COL22A1: variants seen among roughly 807,000 people sequenced by gnomAD.
COL22A1 encodes collagen alpha-1(XXII) chain.
In COL22A1, 221 loss-of-function variants were observed where a neutral mutation model predicts 248.9. The ratio of observed to expected loss-of-function variants is 0.89; its 90% CI spans 0.80 to 0.99. COL22A1 has a LOEUF of 0.99. COL22A1 is among the 50% of genes least tolerant of loss of function. COL22A1 has a pLI of 0.00. For synonymous variants in COL22A1, 891 were observed against 793.4 expected (o/e 1.12, Z -2.07); for missense variants, 2,240 against 2,179.0 (o/e 1.03, Z -0.56).
chr8:138,645,381 T>C (rs771664093), intron 47 of COL22A1, among the ~76,000 whole-genome samples: 1 of 152,072 alleles, frequency 6.6e-6, no homozygotes, highest in African/African-American at 2.4e-5. Flanking sequence ...CCGCCCTGAA[T>C]CCTCTCTCTC....
chr8:138,651,222 A>T (rs1338938587), intron 45 of COL22A1, among the ~76,000 whole-genome samples: 4 of 152,182 alleles, frequency 2.6e-5, no homozygotes, highest in African/African-American at 9.7e-5. Flanking sequence ...CAGAAATCTC[A>T]GGAATCCTCA....
chr8:138,779,930 T>C (rs915510850), intron 13 of COL22A1, among the ~76,000 whole-genome samples: 5 of 152,162 alleles, frequency 3.3e-5, no homozygotes, highest in African/African-American at 4.8e-5. Flanking sequence ...TGCAGCCGGT[T>C]GTTTTGTTTT....
chr8:138,637,461 G>T (rs557574431), intron 47 of COL22A1, among the ~76,000 whole-genome samples: 2 of 152,258 alleles, frequency 1.3e-5, no homozygotes, highest in East Asian at 3.9e-4. Context: ...CGTTTGTTTT[G>T]TAACCTACAA....
intron 16 of COL22A1, among the ~76,000 whole-genome samples, chr8:138,771,401 G>A (rs1834355617): frequency 6.6e-6 from 1 of 152,228 alleles, no homozygotes; most frequent in Non-Finnish European, 1.5e-5. Flanking sequence ...ACAGGCCACA[G>A]GGCATCAGGA....
intron 3 of COL22A1, among the ~76,000 whole-genome samples, chr8:138,874,338 G>C (rs1004676406): frequency 1.3e-5 from 2 of 152,214 alleles, no homozygotes; most frequent in African/African-American, 4.8e-5. Context: ...TTCTGGGCTG[G>C]CCTGTGTAGG....
chr8:138,833,226 T>C, intron 4 of COL22A1, 76 bp from the exon 5 acceptor site: 2 of 1,008,268 alleles, frequency 2.0e-6, no homozygotes, highest in Non-Finnish European at 3.1e-6. Context: ...ACATCCGCTG[T>C]CTGCAAAGGC....
intron 45 of COL22A1, among the ~76,000 whole-genome samples, 170 bp from the exon 46 acceptor site, chr8:138,649,948 T>C (rs1269738418): frequency 6.6e-6 from 1 of 152,226 alleles, no homozygotes; most frequent in African/African-American, 2.4e-5. Flanking sequence ...TAAATACTCT[T>C]GTGTCTAAAC....
chr8:138,647,053 T>C (rs1362774063), intron 46 of COL22A1, among the ~76,000 whole-genome samples: 2 of 152,210 alleles, frequency 1.3e-5, no homozygotes, highest in Non-Finnish European at 2.9e-5. Context: ...GATTAGAGTA[T>C]AAGATGGCTC....
At chr8:138,777,080 C>G (rs1398352156) in intron 15 of COL22A1, among the ~76,000 whole-genome samples, 1 of 152,226 alleles carries the variant, frequency 6.6e-6, no homozygotes, top group Non-Finnish European at 1.5e-5. Flanking sequence ...CCAGGATGAG[C>G]AGGAACATGT....
chr8:138,811,995 G>A (rs193128669), intron 8 of COL22A1, 74 bp from the exon 9 acceptor site: 64 of 1,450,056 alleles, frequency 4.4e-5, no homozygotes, highest in Admixed American at 3.5e-4. Flanking sequence ...GCACAGTGTC[G>A]GGTGCTTCCT....
intron 50 of COL22A1, among the ~76,000 whole-genome samples, chr8:138,626,810 A>G (rs1369981768): frequency 6.6e-6 from 1 of 152,126 alleles, no homozygotes; most frequent in Non-Finnish European, 1.5e-5. Context: ...GTTTTACCAA[A>G]TTTCATTAAT....
chr8:138,775,762 G>A (rs1253661285), intron 16 of COL22A1, among the ~76,000 whole-genome samples: 1 of 152,104 alleles, frequency 6.6e-6, no homozygotes, highest in African/African-American at 2.4e-5. Flanking sequence ...TTACATTTAG[G>A]GTGGGAAATT....
intron 2 of COL22A1, among the ~76,000 whole-genome samples, chr8:138,879,412 C>T (rs563670272): frequency 9.2e-5 from 14 of 152,222 alleles, no homozygotes; most frequent in African/African-American, 3.4e-4. Flanking sequence ...GGTCTTAAGG[C>T]CAGGTGCAGT....
At position 138,789,018 on chromosome 8, in the gene COL22A1, C is replaced by G. The variant is rs1203122099; in HGVS notation, c.1596+7801G>C. Among the ~76,000 whole-genome samples the G allele has an allele frequency of 3.3e-5, 5 of 152,234 alleles. 1 individual carries two copies. The highest frequency in any genetic ancestry group is 2.6e-4 in the Admixed American group (4 of 15,288). The stretch of plus-strand genomic sequence containing the variant: ...GTCTGCACCCTGAGCTTCCCCTGCC[C>G]TCCCAGTTCAGGAGTCCAGCATTTA... On this transcript the variant is annotated intron_variant, in intron 12 of 64. Transcript: ENST00000303045.
At chr8:138,653,099 T>C (rs1016371506) in intron 45 of COL22A1, among the ~76,000 whole-genome samples, 1 of 152,180 alleles carries the variant, frequency 6.6e-6, no homozygotes, top group African/African-American at 2.4e-5. Context: ...CATGTAATAC[T>C]GTACTTTGTG....
chr8:138,831,682 A>G (rs1021456609), intron 5 of COL22A1, among the ~76,000 whole-genome samples: 1 of 152,312 alleles, frequency 6.6e-6, no homozygotes, highest in East Asian at 1.9e-4. Context: ...CAGGAGGTAG[A>G]CAGGGAGGCC....
At chr8:138,692,278 AC>A (rs1827112786) in intron 35 of COL22A1, among the ~76,000 whole-genome samples, 19 of 3,752 alleles carry the variant, frequency 5.1e-3, no homozygotes, top group East Asian at 0.014. Flanking sequence ...GTTTGTGTGC[AC>A]ATGCATGTGT....
chr8:138,743,495 G>A (rs558789219), intron 22 of COL22A1, among the ~76,000 whole-genome samples: 5 of 151,664 alleles, frequency 3.3e-5, no homozygotes, highest in African/African-American at 1.2e-4. Context: ...GGTGGTGATC[G>A]TGGTGATGGT....
intron 30 of COL22A1, among the ~76,000 whole-genome samples, chr8:138,710,484 T>A (rs1226216337): frequency 2.0e-5 from 3 of 152,194 alleles, no homozygotes; most frequent in East Asian, 3.8e-4. Flanking sequence ...AAATGTTGTA[T>A]CCTTTTCTAC....
Sources: gnomAD v4.1 joint callset for allele counts (sites outside exome capture counted in the v4.1 genomes callset) on GRCh38, gnomAD v4.1.1 for gene constraint, MANE v1.5 for transcripts, NCBI Gene and HGNC (gene_info 2026-07-23, HGNC 2026-07-21) for gene names.